GNAI3: variants seen among roughly 807,000 people sequenced by gnomAD.
The protein encoded by GNAI3 is guanine nucleotide-binding protein G(i) subunit alpha-3.
In GNAI3, 12 loss-of-function variants were observed where a neutral mutation model predicts 41.8. The ratio of observed to expected loss-of-function variants is 0.29; its 90% CI spans 0.18 to 0.47. GNAI3 has a LOEUF of 0.47. GNAI3 is among the 20% of genes least tolerant of loss of function. The pLI is 1.00. For missense variants in GNAI3, 360 were observed against 429.6 expected (o/e 0.84, Z 1.43); for synonymous variants, 132 against 146.5 (o/e 0.90, Z 0.71).
intron 1 of GNAI3, among the ~76,000 whole-genome samples, chr1:109,551,786 C>T (rs1055199961): frequency 3.3e-5 from 5 of 152,178 alleles, no homozygotes; most frequent in Non-Finnish European, 7.3e-5. Flanking sequence ...AATTAAGCAG[C>T]TAGTGTGGGC....
At chr1:109,570,084 T>G (rs1465904124) in intron 1 of GNAI3, among the ~76,000 whole-genome samples, 1 of 152,202 alleles carries the variant, frequency 6.6e-6, no homozygotes, top group African/African-American at 2.4e-5. Context: ...CTTCCCAGAG[T>G]AGAATCATTG....
chr1:109,560,799 T>G (rs1412480669), intron 1 of GNAI3, among the ~76,000 whole-genome samples: 1 of 152,154 alleles, frequency 6.6e-6, no homozygotes, highest in Non-Finnish European at 1.5e-5. Flanking sequence ...TCCTCTCAAC[T>G]CAGCCTCCCA....
chr1:109,581,737 A>C (rs902122182), intron 4 of GNAI3, among the ~76,000 whole-genome samples: 1 of 152,038 alleles, frequency 6.6e-6, no homozygotes, highest in Admixed American at 6.6e-5. Flanking sequence ...AAAATACAAA[A>C]AATTAGCTGG....
chr1:109,555,309 A>G lies in GNAI3; in HGVS notation c.118+6471A>G, dbSNP rs1648110390. 1.3e-5 allele frequency among the ~76,000 whole-genome samples: 2 copies of G among 152,200 alleles called. 1 individual carries two copies. Among genetic ancestry groups the G allele is most frequent in the South Asian group, 4.1e-4 (2 of 4,832 alleles). The stretch of plus-strand genomic sequence containing the variant: ...ACTGTAAGGCCATAATCACCAAAAC[A>G]TCATGGTACTGGTGTAAAAACAGGC... On this transcript the variant is annotated intron_variant, in intron 1 of 8. Transcript: ENST00000369851.
chr1:109,572,522 T>A (rs377391869), intron 1 of GNAI3, among the ~76,000 whole-genome samples: 2 of 152,028 alleles, frequency 1.3e-5, no homozygotes, highest in East Asian at 3.9e-4. Context: ...TGAGAAGTAG[T>A]TTTATTAGAG....
intron 3 of GNAI3, among the ~76,000 whole-genome samples, chr1:109,576,268 C>T (rs1648740608): frequency 6.6e-6 from 1 of 152,026 alleles, no homozygotes; most frequent in South Asian, 2.1e-4. Flanking sequence ...GGGGTTTCGT[C>T]ATGTTGGCCA....
At chr1:109,588,118 C>T (rs763303228) in intron 7 of GNAI3, among the ~76,000 whole-genome samples, 1 of 151,962 alleles carries the variant, frequency 6.6e-6, no homozygotes, top group Non-Finnish European at 1.5e-5. Flanking sequence ...CGGTGGCTCA[C>T]GCCTGTAATC....
chr1:109,548,898 C>T lies in GNAI3; in HGVS notation c.118+60C>T, dbSNP rs527428366. 4.5e-5 allele frequency: 51 copies of T among 1,132,160 alleles called. No homozygotes were observed. The African/African-American group carries it at 4.8e-4, about 11-fold the overall frequency. 70.1% of individuals were successfully genotyped at this position (1,132,160 alleles called of 1,614,324 possible). On this transcript the variant is annotated intron_variant, in intron 1 of 8. Transcript: ENST00000369851. The stretch of plus-strand genomic sequence containing the variant: ...GGGAGAGCCTAGGCGCTTGGAAGGC[C>T]TGAACGGGGTCTGGTCGGGCCGACG...
chr1:109,581,626 G>A (rs502069), intron 4 of GNAI3, among the ~76,000 whole-genome samples: 5 of 152,020 alleles, frequency 3.3e-5, no homozygotes, highest in Non-Finnish European at 7.4e-5. Context: ...GGTTGCTCAC[G>A]CCTGTAATCC....
intron 1 of GNAI3, among the ~76,000 whole-genome samples, chr1:109,568,821 C>T (rs1412683877): frequency 6.6e-6 from 1 of 151,910 alleles, no homozygotes; most frequent in Non-Finnish European, 1.5e-5. Flanking sequence ...CAGGTGTGTG[C>T]TACCAGGCCC....
chr1:109,558,215 G>T (rs1466451072), intron 1 of GNAI3, among the ~76,000 whole-genome samples: 7 of 152,100 alleles, frequency 4.6e-5, no homozygotes. Flanking sequence ...CTGAGGTCAG[G>T]AGTTCCAGAC....
intron 1 of GNAI3, among the ~76,000 whole-genome samples, chr1:109,550,135 A>C (rs1344893838): frequency 1.3e-5 from 2 of 152,174 alleles, no homozygotes; most frequent in African/African-American, 4.8e-5. Flanking sequence ...GAAATGCTAA[A>C]TTTTCATGGT....
intron 1 of GNAI3, among the ~76,000 whole-genome samples, chr1:109,555,183 C>T (rs993888603): frequency 6.6e-6 from 1 of 152,088 alleles, no homozygotes; most frequent in African/African-American, 2.4e-5. Flanking sequence ...AAAAAACAAT[C>T]CTAAAATTCA....
intron 1 of GNAI3, among the ~76,000 whole-genome samples, chr1:109,570,440 G>A (rs779459147): frequency 2.6e-5 from 4 of 152,148 alleles, no homozygotes; most frequent in Non-Finnish European, 5.9e-5. Context: ...AAGCCTTCAT[G>A]GAGCTTATAT....
chr1:109,590,839 A>G (rs551524811), intron 7 of GNAI3, among the ~76,000 whole-genome samples: 2 of 152,258 alleles, frequency 1.3e-5, no homozygotes, highest in Admixed American at 1.3e-4. Flanking sequence ...TGCAGGGATT[A>G]CAGATGTGAG....
chr1:109,586,298 G>C lies in GNAI3; in HGVS notation c.673G>C (p.Val225Leu). ...GGGAGTGACAGCAATTATCTTCTGT[G>C]TGGCCCTCAGTGATTATGACCTTGT... ...FEGVTAIIFC[V>L]ALSDYDLVLA... The change falls in exon 6 of 9, where the codon GTG becomes CTG. Residue 225 changes from valine to leucine, a missense_variant. Transcript: ENST00000369851. 1 of 1,613,242 alleles carries C rather than the reference G, an allele frequency of 6.2e-7. No individual in the cohort carries two copies. The highest frequency in any genetic ancestry group is 8.5e-7 in the Non-Finnish European group (1 of 1,179,256).
intron 6 of GNAI3, 49 bp from the exon 7 acceptor site, chr1:109,586,680 C>T: frequency 7.3e-7 from 1 of 1,361,656 alleles, no homozygotes; most frequent in Non-Finnish European, 1.0e-6. Context: ...TTAACTTAAT[C>T]CACTTTTACT....
intron 1 of GNAI3, among the ~76,000 whole-genome samples, chr1:109,554,876 A>G (rs976754156): frequency 2.0e-5 from 3 of 152,204 alleles, no homozygotes; most frequent in Admixed American, 2.0e-4. Flanking sequence ...ATACACCAAC[A>G]GCAACCAAGC....
chr1:109,573,078 G>A (rs573460854), intron 1 of GNAI3, among the ~76,000 whole-genome samples: 4 of 152,270 alleles, frequency 2.6e-5, no homozygotes, highest in African/African-American at 9.6e-5. Flanking sequence ...AGGAGGTGGT[G>A]TGATATAGGC....
Sources: allele counts gnomAD v4.1 joint callset (sites outside exome capture counted in the v4.1 genomes callset), GRCh38; gene constraint gnomAD v4.1.1; transcripts MANE v1.5; gene names NCBI Gene and HGNC (gene_info 2026-07-23, HGNC 2026-07-21).